Variants in LATS1 observed in about 807,000 individuals in gnomAD.
LATS1 encodes large tumor suppressor kinase 1.
A neutral mutation model predicts 106.6 loss-of-function variants in LATS1; 25 were observed. The ratio of observed to expected loss-of-function variants is 0.23; its 90% CI spans 0.17 to 0.33. The LOEUF (loss-of-function observed/expected upper bound fraction) is 0.33. LATS1 is among the 10% of genes least tolerant of loss of function. LATS1 has a pLI of 1.00. For missense variants in LATS1, 1,040 were observed against 1,382.6 expected, an observed-to-expected ratio of 0.75 and a Z score of 3.93; for synonymous variants, 465 against 455.6, an observed-to-expected ratio of 1.02 and a Z score of -0.26.
intron 2 of LATS1, among the ~76,000 whole-genome samples, chr6:149,695,914 T>C (rs1417100361): frequency 2.0e-5 from 3 of 152,046 alleles, no homozygotes; most frequent in Non-Finnish European, 4.4e-5. Context: ...TTTTACTTTT[T>C]TTTTTCTGAG....
chr6:149,683,208 C>T lies in LATS1; in HGVS notation c.1881G>A (p.Arg627=), dbSNP rs2114814650. ...VRKNKKDEER[R]ESRIQSYSPQ... Reference sequence around the variant, plus strand: ...GAGAATAACTTTGAATACGAGATTCCCTTCGCTCTTCATCTTTCTTGTTTT... The same window carrying T: ...GAGAATAACTTTGAATACGAGATTCTCTTCGCTCTTCATCTTTCTTGTTTT... The change falls in exon 4 of 8, where the codon AGG becomes AGA. Residue 627 remains arginine (R), a synonymous_variant. Coordinates refer to ENST00000543571, the MANE Select transcript of LATS1 (RefSeq NM_004690.4). 2 of 1,613,908 alleles carry T rather than the reference C, an allele frequency of 1.2e-6. No homozygotes were observed. The highest frequency in any genetic ancestry group is 1.7e-6 in the Non-Finnish European group (2 of 1,179,976).
intron 7 of LATS1, among the ~76,000 whole-genome samples, chr6:149,666,523 C>T (rs1305814058): frequency 6.6e-6 from 1 of 151,464 alleles, no homozygotes; most frequent in Non-Finnish European, 1.5e-5. Flanking sequence ...GAGGCTGAGG[C>T]GGAACAATTG....
intron 7 of LATS1, among the ~76,000 whole-genome samples, chr6:149,667,825 A>C (rs950923689): frequency 1.3e-5 from 2 of 152,252 alleles, no homozygotes; most frequent in Non-Finnish European, 2.9e-5. Context: ...GAGAGATCTG[A>C]ATAATTGCAG....
In LATS1 at chr6:149,680,138, T is replaced by C; in HGVS notation, c.2330A>G (p.Asn777Ser). The change falls in exon 5 of 8, where the codon AAT becomes AGT. Residue 777 changes from asparagine to serine, a missense_variant. Coordinates refer to ENST00000543571, the MANE Select transcript of LATS1 (RefSeq NM_004690.4). ...AATGTAGTCCATTACAAAGTATAAA[T>C]TGTCCTTATCTTGGAATGAATAATA... Reference protein sequence around the residue: ...RLYYSFQDKDNLYFVMDYIPG... With the variant: ...RLYYSFQDKDSLYFVMDYIPG... 1.9e-6 allele frequency: 3 copies of C among 1,613,902 alleles called. No homozygotes were observed. Among genetic ancestry groups the C allele is most frequent in the Non-Finnish European group, 2.5e-6 (3 of 1,179,854 alleles).
chr6:149,681,236 G>C (rs907789350), intron 4 of LATS1, among the ~76,000 whole-genome samples: 1 of 152,082 alleles, frequency 6.6e-6, no homozygotes, highest in Non-Finnish European at 1.5e-5. Flanking sequence ...TGGAATGCCT[G>C]GATTTAGAAG....
At chr6:149,678,108 C>G (rs1215353146) in intron 5 of LATS1, among the ~76,000 whole-genome samples, 1 of 124,222 alleles carries the variant, frequency 8.1e-6, no homozygotes, top group African/African-American at 3.2e-5. Flanking sequence ...ATCATGAGGT[C>G]AGAAGATTGA....
intron 7 of LATS1, among the ~76,000 whole-genome samples, chr6:149,672,320 C>T (rs1781485403): frequency 6.6e-6 from 1 of 151,748 alleles, no homozygotes. Context: ...AGTGATTCTC[C>T]TCCCTCAGCC....
At chr6:149,707,533 A>G (rs1241476373) in intron 1 of LATS1, among the ~76,000 whole-genome samples, 1 of 152,136 alleles carries the variant, frequency 6.6e-6, no homozygotes, top group Non-Finnish European at 1.5e-5. Context: ...TGTAGTATAC[A>G]TTAGAAAACG....
intron 2 of LATS1, among the ~76,000 whole-genome samples, chr6:149,696,372 C>T (rs1291554100): frequency 6.7e-6 from 1 of 149,458 alleles, no homozygotes; most frequent in Admixed American, 6.6e-5. Flanking sequence ...AGCTCCAGAC[C>T]AGCCTGACCA....
At chr6:149,699,130 TAAAA>T (rs1783291022) in intron 2 of LATS1, among the ~76,000 whole-genome samples, 1 of 150,330 alleles carries the variant, frequency 6.7e-6, no homozygotes, top group African/African-American at 2.4e-5. Context: ...TCTGAAATGA[TAAAA>T]AAGAATGAAG....
At chr6:149,709,694 T>TTA (rs1783984808) in intron 1 of LATS1, among the ~76,000 whole-genome samples, 1 of 145,898 alleles carries the variant, frequency 6.9e-6, no homozygotes, top group Admixed American at 6.9e-5. Context: ...TTTTTTTTTT[T>TTA]AGATGGAGTC....
intron 4 of LATS1, among the ~76,000 whole-genome samples, chr6:149,681,973 G>A (rs866175538): frequency 1.3e-5 from 2 of 152,040 alleles, no homozygotes; most frequent in South Asian, 2.1e-4. Flanking sequence ...TTAGCTCAGC[G>A]TGCTGACGGG....
chr6:149,683,198 T>C lies in LATS1; in HGVS notation c.1891A>G (p.Ile631Val), dbSNP rs1415788903. The stretch of plus-strand genomic sequence containing the variant: ...AATGCTTGAGGAGAATAACTTTGAA[T>C]ACGAGATTCCCTTCGCTCTTCATCT... ...KKDEERRESR[I>V]QSYSPQAFKF... is the part of the protein sequence containing the mutation. The change falls in exon 4 of 8, where the codon ATT (isoleucine) becomes GTT (valine). Residue 631 changes from isoleucine (I) to valine (V), a missense_variant. Physicochemically the swap from Ile to Val is conservative, Grantham distance 29 (BLOSUM62 3). Around this residue, in one of 7 missense-constraint regions of LATS1, gnomAD observed 167 missense variants for 332.1 expected, o/e 0.50. Transcript: ENST00000543571. 9 of 1,614,008 alleles carry C rather than the reference T, an allele frequency of 5.6e-6. No homozygotes were observed. In the African/African-American group the frequency reaches 1.1e-4, roughly 19 times the overall value.
At chr6:149,664,231 T>C (rs1360116307) in intron 7 of LATS1, among the ~76,000 whole-genome samples, 1 of 148,736 alleles carries the variant, frequency 6.7e-6, no homozygotes. Context: ...TTATATAAAC[T>C]GAAGCACAGA....
At position 149,673,599 on chromosome 6, in the gene LATS1, G is replaced by A. The variant is rs1022821552; in HGVS notation, c.2883+2661C>T. On this transcript the variant is annotated intron_variant, in intron 7 of 7. Coordinates refer to ENST00000543571, the MANE Select transcript of LATS1 (RefSeq NM_004690.4). ...TCAGACATACCTGAGACAAACCTGAGAGAATGCCTTATCAGCAGACCTATA... is the reference window on the plus strand; with the variant it reads ...TCAGACATACCTGAGACAAACCTGAAAGAATGCCTTATCAGCAGACCTATA... 4.4e-4 allele frequency among the ~76,000 whole-genome samples: 67 copies of A among 151,540 alleles called. 2 individuals are homozygous for A. Among genetic ancestry groups the A allele is most frequent in the African/African-American group, 1.6e-3 (66 of 41,242 alleles).
chr6:149,670,396 T>C (rs142817327), intron 7 of LATS1, among the ~76,000 whole-genome samples: 26 of 151,984 alleles, frequency 1.7e-4, no homozygotes, highest in Non-Finnish European at 2.9e-4. Context: ...CAGGATAAAC[T>C]ATTTTGGAAC....
At position 149,680,206 on chromosome 6, in the gene LATS1, T is replaced by C. The variant is rs1224688680; in HGVS notation, c.2262A>G (p.Arg754=). 5.0e-6 allele frequency: 8 copies of C among 1,613,966 alleles called. No individual in the cohort carries two copies. In the African/African-American group the frequency reaches 1.1e-4, roughly 22 times the overall value. ...RNQVAHVKAE[R]DILAEADNEW... ...CATTGTCAGCTTCAGCCAGGATATCTCTCTCAGCCTTAACATGAGCGACTT... is the reference window on the plus strand; with the variant it reads ...CATTGTCAGCTTCAGCCAGGATATCCCTCTCAGCCTTAACATGAGCGACTT... Residue 754 remains arginine (R), a synonymous_variant, in exon 5 of 8, where the codon AGA becomes AGG. Coordinates refer to ENST00000543571, the MANE Select transcript of LATS1 (RefSeq NM_004690.4).
chr6:149,672,579 T>C lies in LATS1; in HGVS notation c.2883+3681A>G, dbSNP rs1582851592. Among the ~76,000 whole-genome samples the C allele has an allele frequency of 4.6e-5, 7 of 152,146 alleles. 2 individuals carry two copies. The South Asian group carries it at 1.4e-3, about 32-fold the overall frequency. Reference sequence around the variant, plus strand: ...TCTAGATTTATAACAAAGTATTTTATGTCAGAGGAGCTATTGTGAATGGTA... The same window carrying C: ...TCTAGATTTATAACAAAGTATTTTACGTCAGAGGAGCTATTGTGAATGGTA... On this transcript the variant is annotated intron_variant, in intron 7 of 7. Transcript: ENST00000543571.
intron 4 of LATS1, among the ~76,000 whole-genome samples, chr6:149,682,163 G>A (rs1292214841): frequency 6.6e-6 from 1 of 151,328 alleles, no homozygotes; most frequent in Non-Finnish European, 1.5e-5. Context: ...AGATCTATGT[G>A]GAATGACAAC....
Sources: allele counts gnomAD v4.1 joint callset (sites outside exome capture counted in the v4.1 genomes callset), GRCh38; gene constraint gnomAD v4.1.1; regional missense constraint gnomAD v4.1.1; transcripts MANE v1.5; gene names NCBI Gene and HGNC (gene_info 2026-07-23, HGNC 2026-07-21).